The following WDR20 variants were observed in gnomAD, a reference collection of about 807,000 sequenced individuals.
WDR20 encodes the protein WD repeat domain 20, also known as WD repeat-containing protein 20.
In WDR20, 3 loss-of-function variants were observed where a neutral mutation model predicts 38.7. The observed-to-expected ratio is 0.08, with a 90% confidence interval of 0.04 to 0.20. The LOEUF (loss-of-function observed/expected upper bound fraction) is 0.20. Ranked by LOEUF, WDR20 falls within the 10% of genes least tolerant of loss-of-function variation. The probability of loss-of-function intolerance (pLI) is 1.00; values close to 1 mark genes in which losing one functional copy is unlikely to be tolerated. For synonymous variants in WDR20, 298 were observed against 285.6 expected, an observed-to-expected ratio of 1.04 and a Z score of -0.44; for missense variants, 559 against 727.7, an observed-to-expected ratio of 0.77 and a Z score of 2.67.
upstream of WDR20, chr14:102,139,645 G>A (rs1000366122): frequency 2.3e-5 from 15 of 642,864 alleles, no homozygotes; most frequent in Non-Finnish European, 3.7e-5. Flanking sequence ...GCTGAAGCCG[G>A]CATCACCTGG....
chr14:102,224,576 AT>A (rs760757777), downstream of WDR20: 71 of 456,078 alleles, frequency 1.6e-4, no homozygotes, highest in Non-Finnish European at 2.8e-4. Flanking sequence ...ATCACATTAA[AT>A]TGGGGGCATG....
chr14:102,193,280 C>T lies in WDR20; in HGVS notation c.250-1658C>T, dbSNP rs1006516252. Among the ~76,000 whole-genome samples, 49 of 152,136 alleles carry T rather than the reference C, an allele frequency of 3.2e-4. 1 individual carries two copies. Among genetic ancestry groups the T allele is most frequent in the Admixed American group, 6.5e-5 (1 of 15,274 alleles). On this transcript the variant is annotated intron_variant, in intron 1 of 2. Coordinates refer to ENST00000342702, the MANE Select transcript of WDR20 (RefSeq NM_144574.4). Reference sequence around the variant, plus strand: ...TGTCCGTGGCCATCGTCCCAGGCCCCGCTGCTCACTCGCAGCACTCGGCTG... The same window carrying T: ...TGTCCGTGGCCATCGTCCCAGGCCCTGCTGCTCACTCGCAGCACTCGGCTG...
chr14:102,149,339 A>G (rs770301564), intron 1 of WDR20, among the ~76,000 whole-genome samples: 3 of 151,900 alleles, frequency 2.0e-5, no homozygotes, highest in African/African-American at 7.3e-5. Context: ...CTGATTTTGT[A>G]TTTATCATTA....
chr14:102,161,142 A>ATATATATATATATGTATATATATTTTTT (rs1342924049), intron 1 of WDR20, among the ~76,000 whole-genome samples: 1 of 16,032 alleles, frequency 6.2e-5, no homozygotes, highest in Non-Finnish European at 9.5e-5. Context: ...ATATATATAT[A>ATATATATATATATGTATATATATTTTTT]TTTTTTTTTT....
At chr14:102,161,857 C>G (rs2058823506) in intron 1 of WDR20, among the ~76,000 whole-genome samples, 1 of 152,152 alleles carries the variant, frequency 6.6e-6, no homozygotes, top group Non-Finnish European at 1.5e-5. Context: ...TCTAATCAGG[C>G]TGTCATAAAA....
intron 1 of WDR20, among the ~76,000 whole-genome samples, chr14:102,148,655 T>C (rs191481065): frequency 4.1e-5 from 6 of 145,576 alleles, no homozygotes; most frequent in African/African-American, 5.0e-5. Context: ...CTCCTGTCTT[T>C]AAAGAGTTTG....
chr14:102,139,493 GC>G, upstream of WDR20: 3 of 1,355,590 alleles, frequency 2.2e-6, no homozygotes, highest in Non-Finnish European at 3.0e-6. Flanking sequence ...GGGTCCCGGC[GC>G]CCCTCAGGGC....
intron 1 of WDR20, among the ~76,000 whole-genome samples, chr14:102,174,746 C>T (rs2061704014): frequency 6.6e-6 from 1 of 152,064 alleles, no homozygotes; most frequent in Non-Finnish European, 1.5e-5. Flanking sequence ...ATGGCCATTG[C>T]TACAGGAGTA....
intron 1 of WDR20, among the ~76,000 whole-genome samples, chr14:102,187,147 A>G (rs1283102303): frequency 2.0e-5 from 3 of 152,086 alleles, no homozygotes; most frequent in African/African-American, 7.2e-5. Context: ...GTCAAGAGGA[A>G]TGATAATAGC....
chr14:102,148,095 T>A (rs777580927), intron 1 of WDR20, among the ~76,000 whole-genome samples: 11 of 152,180 alleles, frequency 7.2e-5, no homozygotes, highest in Non-Finnish European at 1.6e-4. Flanking sequence ...AGAGAATAAT[T>A]CTGTTTGTTT....
At chr14:102,224,036 G>GTTTTTTTTTTTTTTTTTT (rs1184725386), downstream of WDR20, among the ~76,000 whole-genome samples, 1 of 139,442 alleles carries the variant, frequency 7.2e-6, no homozygotes. Context: ...GTTTACCTGA[G>GTTTTTTTTTTTTTTTTTT]ATTTTTTTTT....
In WDR20 at chr14:102,174,578, C is replaced by A. The variant is rs751721909; in HGVS notation, c.250-20360C>A. Among the ~76,000 whole-genome samples the A allele has an allele frequency of 2.0e-5, 3 of 152,102 alleles. No homozygotes were observed. The East Asian group carries it at 5.8e-4, about 29-fold the overall frequency. On this transcript the variant is annotated intron_variant, in intron 1 of 2. Coordinates refer to ENST00000342702, the MANE Select transcript of WDR20 (RefSeq NM_144574.4). ...GGGACTACAGGCGCCCGCCACCATG[C>A]CTGGCTAATTTTTTGTATTTTTAGT...
At chr14:102,143,822 C>G (rs1434962446) in intron 1 of WDR20, among the ~76,000 whole-genome samples, 1 of 151,674 alleles carries the variant, frequency 6.6e-6, no homozygotes, top group Non-Finnish European at 1.5e-5. Flanking sequence ...GGATTACAGG[C>G]GTGAGCCACT....
downstream of WDR20, chr14:102,223,687 TTC>T (rs2064136827): frequency 6.6e-6 from 1 of 152,470 alleles, no homozygotes; most frequent in Non-Finnish European, 1.5e-5. Context: ...CTTGTTTATC[TTC>T]TGTTAAATTG....
Position 102,210,022 on chromosome 14 carries a change from A to C in WDR20, c.*142A>C. 7.0e-7 allele frequency: 1 copy of C among 1,435,142 alleles called. No individual in the cohort carries two copies. Among genetic ancestry groups the C allele is most frequent in the Non-Finnish European group, 9.1e-7 (1 of 1,100,610 alleles). The allele number at this position is 1,435,142 out of a possible 1,614,324, so 88.9% of individuals were successfully genotyped here. ...TCAGAGCCATAATTTTGGATACTGCATGCCATGTAATTCTGAATCATTTGA... is the reference window on the plus strand; with the variant it reads ...TCAGAGCCATAATTTTGGATACTGCCTGCCATGTAATTCTGAATCATTTGA... On this transcript the variant is annotated 3_prime_UTR_variant, in exon 3 of 3. Coordinates refer to ENST00000342702, the MANE Select transcript of WDR20 (RefSeq NM_144574.4).
chr14:102,155,795 T>G (rs1021950547), intron 1 of WDR20, among the ~76,000 whole-genome samples: 5 of 152,054 alleles, frequency 3.3e-5, no homozygotes, highest in African/African-American at 1.2e-4. Context: ...CTTTTTTTTT[T>G]TTGAGAGGGT....
chr14:102,205,976 GT>G (rs879412184), intron 2 of WDR20, among the ~76,000 whole-genome samples: 1 of 151,070 alleles, frequency 6.6e-6, no homozygotes, highest in South Asian at 2.1e-4. Flanking sequence ...TCAGTGCACT[GT>G]TTTTTTTTGT....
In WDR20 at chr14:102,208,672, G is replaced by T; in HGVS notation, c.502G>T (p.Ala168Ser). ...CGGTTCGGAAAGCCTTTTCCTAGTAGCCCACTCGAGTGGGAACATGTACTT... is the reference window on the plus strand; with the variant it reads ...CGGTTCGGAAAGCCTTTTCCTAGTATCCCACTCGAGTGGGAACATGTACTT... ...VPGSESLFLV[A>S]HSSGNMYLYN... Residue 168 changes from alanine (A) to serine (S), a missense_variant, in exon 3 of 3, where the codon GCC becomes TCC. Coordinates refer to ENST00000342702, the MANE Select transcript of WDR20 (RefSeq NM_144574.4). The surrounding 1 kb of genome is among the most constrained non-coding windows in gnomAD (Gnocchi z 5.6). 6.2e-7 allele frequency: 1 copy of T among 1,613,932 alleles called. No homozygotes were observed.
chr14:102,218,952 G>T (rs976096289), downstream of WDR20, among the ~76,000 whole-genome samples: 1 of 152,204 alleles, frequency 6.6e-6, no homozygotes, highest in Non-Finnish European at 1.5e-5. Flanking sequence ...GCCGGGCCTT[G>T]CCCCTTTTCT....
Sources: allele counts gnomAD v4.1 joint callset (sites outside exome capture counted in the v4.1 genomes callset), GRCh38; gene constraint gnomAD v4.1.1; non-coding constraint Gnocchi (gnomAD v3.1); transcripts MANE v1.5; gene names NCBI Gene and HGNC (gene_info 2026-07-23, HGNC 2026-07-21).